Variants in TRPC6 observed in about 807,000 individuals in gnomAD.
TRPC6 encodes the protein transient receptor potential cation channel subfamily C member 6.
In TRPC6, 55 loss-of-function variants were observed where a neutral mutation model predicts 90.7. The observed-to-expected ratio is 0.61, with a 90% CI of 0.49 to 0.76. The LOEUF is 0.76. Ranked by LOEUF, TRPC6 falls within the 30% of genes least tolerant of loss-of-function variation. The pLI is 0.00. For missense variants in TRPC6, 989 were observed against 1,122.7 expected (o/e 0.88, Z 1.70); for synonymous variants, 393 against 393.0 (o/e 1.00, Z 0.00).
chr11:101,473,969 C>G (rs1164319785), intron 6 of TRPC6, among the ~76,000 whole-genome samples, 196 bp from the exon 7 acceptor site: 2 of 152,190 alleles, frequency 1.3e-5, no homozygotes, highest in South Asian at 2.1e-4. Context: ...TCCTGGTTTA[C>G]TAGCAATTTC....
At chr11:101,481,492 CAT>C (rs1444089711) in intron 5 of TRPC6, among the ~76,000 whole-genome samples, 3 of 83,942 alleles carry the variant, frequency 3.6e-5, no homozygotes, top group African/African-American at 9.5e-5. Context: ...CAAAGTCAGT[CAT>C]AACCTAAACT....
chr11:101,568,057 A>AT (rs1861875956), intron 1 of TRPC6, among the ~76,000 whole-genome samples: 1 of 152,206 alleles, frequency 6.6e-6, no homozygotes, highest in South Asian at 2.1e-4. Flanking sequence ...AAGGTGGGTA[A>AT]TAACAAACTC....
rs1565207130 is a variant in TRPC6, at chr11:101,472,136, C to G, written c.2205+1G>C. 1 of 1,609,996 alleles carries G rather than the reference C, an allele frequency of 6.2e-7. No individual in the cohort carries two copies. Among genetic ancestry groups the G allele is most frequent in the East Asian group, 2.2e-5 (1 of 44,796 alleles). ...ATTATAAAAATGTATTGAGATTATA[C>G]CTCAATTTCCTGGAATGAACTGTTG... On this transcript the variant is annotated splice_donor_variant, in intron 8 of 12. Transcript: ENST00000344327. LOFTEE classifies it high-confidence loss of function.
intron 1 of TRPC6, among the ~76,000 whole-genome samples, chr11:101,516,177 A>G (rs1303733871): frequency 6.6e-6 from 1 of 151,782 alleles, no homozygotes; most frequent in Non-Finnish European, 1.5e-5. Context: ...GATTTCAACA[A>G]TACCTAGGAT....
At chr11:101,499,622 C>T (rs868494746) in intron 2 of TRPC6, among the ~76,000 whole-genome samples, 1 of 67,654 alleles carries the variant, frequency 1.5e-5, no homozygotes, top group East Asian at 2.8e-4. Context: ...TATATATACA[C>T]ACACAATATA....
Position 101,572,011 on chromosome 11 carries a change from T to A in TRPC6, c.170+11323A>T, listed in dbSNP as rs189767042. Among the ~76,000 whole-genome samples, 470 of 152,146 alleles carry A rather than the reference T, an allele frequency of 3.1e-3. 1 individual carries two copies. The highest frequency in any genetic ancestry group is 0.011 in the African/African-American group (442 of 41,518). On this transcript the variant is annotated intron_variant, in intron 1 of 12. Transcript: ENST00000344327. ...AAAGCAATGGCAACAAAAGCCAAAA[T>A]TGACAAATGGGATCTAATTAAACTA...
At chr11:101,549,852 T>C (rs1051997346) in intron 1 of TRPC6, among the ~76,000 whole-genome samples, 1 of 151,454 alleles carries the variant, frequency 6.6e-6, no homozygotes, top group African/African-American at 2.4e-5. Flanking sequence ...AATAAAGCAA[T>C]ACTTAGAAAA....
intron 1 of TRPC6, among the ~76,000 whole-genome samples, chr11:101,525,864 GC>G (rs1311370945): frequency 1.3e-5 from 2 of 152,152 alleles, no homozygotes; most frequent in Non-Finnish European, 2.9e-5. Flanking sequence ...AGAGACTATG[GC>G]TACAAGCCAC....
chr11:101,471,823 A>T (rs1421836207), intron 8 of TRPC6, among the ~76,000 whole-genome samples: 1 of 152,212 alleles, frequency 6.6e-6, no homozygotes, highest in Non-Finnish European at 1.5e-5. Context: ...GAATGATGGT[A>T]TTCATAAGCA....
At chr11:101,454,725 C>G (rs150032545) in intron 11 of TRPC6, among the ~76,000 whole-genome samples, 67 of 152,112 alleles carry the variant, frequency 4.4e-4, no homozygotes, top group African/African-American at 1.6e-3. Context: ...CTGGTGGAAT[C>G]TGACATGAAT....
chr11:101,510,346 T>C (rs984118594), intron 1 of TRPC6, among the ~76,000 whole-genome samples: 2 of 152,126 alleles, frequency 1.3e-5, no homozygotes, highest in Non-Finnish European at 2.9e-5. Context: ...TTTACATTAA[T>C]AGCAAATGAA....
chr11:101,535,192 AAGGAAGGAAGG>A (rs1861011950), intron 1 of TRPC6, among the ~76,000 whole-genome samples: 1 of 37,398 alleles, frequency 2.7e-5, no homozygotes, highest in Admixed American at 2.3e-4. Flanking sequence ...GGAAGGAAGG[AAGGAAGGAAGG>A]AAGGAAGGAA....
At chr11:101,556,104 C>T (rs1591133975) in intron 1 of TRPC6, among the ~76,000 whole-genome samples, 1 of 151,942 alleles carries the variant, frequency 6.6e-6, no homozygotes, top group South Asian at 2.1e-4. Context: ...CAATAAACAC[C>T]TATTTCAAAA....
chr11:101,471,471 G>A (rs530263328), intron 8 of TRPC6, 85 bp from the exon 9 acceptor site: 1 of 1,416,478 alleles, frequency 7.1e-7, no homozygotes, highest in Non-Finnish European at 9.9e-7. Flanking sequence ...GCTAGATGGA[G>A]GACAATGCCT....
chr11:101,556,489 G>C (rs1203358988), intron 1 of TRPC6, among the ~76,000 whole-genome samples: 1 of 151,996 alleles, frequency 6.6e-6, no homozygotes, highest in African/African-American at 2.4e-5. Flanking sequence ...CATAGAACCC[G>C]CCAAGACTGA....
intron 1 of TRPC6, among the ~76,000 whole-genome samples, chr11:101,565,420 A>G (rs1047526840): frequency 2.0e-5 from 3 of 152,118 alleles, no homozygotes; most frequent in African/African-American, 7.2e-5. Context: ...ACTTCCTGAA[A>G]TTACAGACTT....
chr11:101,484,318 C>T (rs1034226327), intron 4 of TRPC6, among the ~76,000 whole-genome samples: 1 of 152,084 alleles, frequency 6.6e-6, no homozygotes, highest in Non-Finnish European at 1.5e-5. Flanking sequence ...TAAGTTAATA[C>T]TTCTATTTGG....
intron 1 of TRPC6, among the ~76,000 whole-genome samples, chr11:101,522,182 T>C (rs1194639701): frequency 1.3e-5 from 2 of 152,220 alleles, no homozygotes; most frequent in Non-Finnish European, 2.9e-5. Context: ...TGAATTGTAA[T>C]GCCCAGTGTT....
At chr11:101,582,421 A>G (rs1486280827) in intron 1 of TRPC6, among the ~76,000 whole-genome samples, 1 of 152,076 alleles carries the variant, frequency 6.6e-6, no homozygotes, top group Non-Finnish European at 1.5e-5. Context: ...AAACTTGACT[A>G]CCCAATCACC....
Sources: allele counts gnomAD v4.1 joint callset (sites outside exome capture counted in the v4.1 genomes callset), GRCh38; gene constraint gnomAD v4.1.1; transcripts MANE v1.5; gene names NCBI Gene and HGNC (gene_info 2026-07-23, HGNC 2026-07-21).